The following DCDC2 variants were observed in gnomAD, a reference collection of about 807,000 sequenced individuals.
The protein encoded by DCDC2 is doublecortin domain-containing protein 2.
In DCDC2, 40 loss-of-function variants were observed where a neutral mutation model predicts 50.2. That is an observed-to-expected ratio of 0.80 (90% CI 0.62 to 1.04). The LOEUF (loss-of-function observed/expected upper bound fraction) is 1.04. Ranked by LOEUF, DCDC2 falls within the 50% of genes least tolerant of loss-of-function variation. The probability of loss-of-function intolerance (pLI) is 0.00; values close to 1 mark genes in which losing one functional copy is unlikely to be tolerated. For synonymous variants in DCDC2, 234 were observed against 210.6 expected, an observed-to-expected ratio of 1.11 and a Z score of -0.96; for missense variants, 570 against 581.9, an observed-to-expected ratio of 0.98 and a Z score of 0.21.
intron 5 of DCDC2, 99 bp from the exon 6 acceptor site, chr6:24,289,005 T>C (rs1763679837): frequency 1.2e-6 from 1 of 845,778 alleles, no homozygotes; most frequent in Non-Finnish European, 1.9e-6. Context: ...AACTGTTTAC[T>C]GCTGTGTTTC....
At chr6:24,327,223 C>T (rs1449356808) in intron 2 of DCDC2, among the ~76,000 whole-genome samples, 1 of 149,576 alleles carries the variant, frequency 6.7e-6, no homozygotes, top group Non-Finnish European at 1.5e-5. Flanking sequence ...ACTGAGGCCA[C>T]GGGCCACCCA....
chr6:24,350,755 T>C (rs1007437641), intron 2 of DCDC2, among the ~76,000 whole-genome samples: 1 of 152,186 alleles, frequency 6.6e-6, no homozygotes, highest in Admixed American at 6.5e-5. Flanking sequence ...TGATCTCCCT[T>C]TATATATCAT....
At chr6:24,206,175 C>A (rs187172404) in intron 7 of DCDC2, among the ~76,000 whole-genome samples, 4 of 152,126 alleles carry the variant, frequency 2.6e-5, no homozygotes, top group African/African-American at 9.6e-5. Flanking sequence ...TTGTTGAGGA[C>A]CAATTATATG....
intron 8 of DCDC2, among the ~76,000 whole-genome samples, chr6:24,185,321 C>T (rs1263658121): frequency 6.6e-6 from 1 of 152,160 alleles, no homozygotes; most frequent in Non-Finnish European, 1.5e-5. Context: ...TTTCCCGGCA[C>T]AGCTATTTTA....
At chr6:24,238,045 C>T (rs1762485260) in intron 7 of DCDC2, among the ~76,000 whole-genome samples, 1 of 126,820 alleles carries the variant, frequency 7.9e-6, no homozygotes, top group Admixed American at 9.3e-5. Flanking sequence ...CTGTAATAAA[C>T]CTGCACATGT....
rs2113734073 is a variant in DCDC2 at position 24,173,640 on chromosome 6, T to C, written c.*1090A>G. On this transcript the variant is annotated 3_prime_UTR_variant, in exon 10 of 10. Transcript: ENST00000378454. ...GGTTTCATTATAATAACTTCTAAAG[T>C]TTTACAATTTCTATCAGATGCCTTC... is the stretch of plus-strand genomic sequence containing the variant. 1.3e-5 allele frequency: 2 copies of C among 152,306 alleles called. 1 individual carries two copies. Among genetic ancestry groups the C allele is most frequent in the South Asian group, 4.1e-4 (2 of 4,828 alleles). The allele number at this position is 152,306 out of a possible 1,614,324, so 9.4% of individuals were successfully genotyped here. A position where few individuals can be genotyped will look rare whatever the true frequency, so the allele number is the denominator to read the frequency against.
the DCDC2 span, among the ~76,000 whole-genome samples, chr6:24,382,992 C>T: frequency 5.9e-5 from 9 of 152,024 alleles, no homozygotes; most frequent in Admixed American, 2.0e-4. Flanking sequence ...GGTAAAATGT[C>T]TTAAGTCACC....
At chr6:24,244,802 A>T (rs895688254) in intron 7 of DCDC2, among the ~76,000 whole-genome samples, 1 of 152,320 alleles carries the variant, frequency 6.6e-6, no homozygotes, top group East Asian at 1.9e-4. Flanking sequence ...CTCAATGCAA[A>T]TCTTATGTAG....
chr6:24,306,543 T>C (rs201528594), intron 2 of DCDC2, among the ~76,000 whole-genome samples: 31,534 of 114,034 alleles, frequency 0.28, 4,270 homozygotes, highest in Non-Finnish European at 0.3. Context: ...GATAGATAGA[T>C]AGACAGACAG....
At chr6:24,317,307 G>C (rs1759690082) in intron 2 of DCDC2, among the ~76,000 whole-genome samples, 1 of 152,006 alleles carries the variant, frequency 6.6e-6, no homozygotes, top group African/African-American at 2.4e-5. Context: ...CAGAGGAATA[G>C]ACTAGAAAGC....
At chr6:24,380,042 G>T in the DCDC2 span, among the ~76,000 whole-genome samples, 1 of 151,772 alleles carries the variant, frequency 6.6e-6, no homozygotes, top group East Asian at 1.9e-4. Context: ...GCCTGTTGGG[G>T]GGTGGGGGGC....
intron 9 of DCDC2, among the ~76,000 whole-genome samples, chr6:24,176,399 C>A (rs1201429631): frequency 1.6e-4 from 24 of 152,102 alleles, no homozygotes; most frequent in Non-Finnish European, 1.5e-5. Flanking sequence ...TCATTACATA[C>A]CACAGGTCAA....
intron 2 of DCDC2, among the ~76,000 whole-genome samples, chr6:24,321,972 C>T (rs759979746): frequency 6.6e-6 from 1 of 152,170 alleles, no homozygotes; most frequent in African/African-American, 2.4e-5. Flanking sequence ...GTAGCCTCTA[C>T]TTGGCTATCT....
At chr6:24,352,290 C>G (rs1280506944) in intron 2 of DCDC2, among the ~76,000 whole-genome samples, 1 of 152,134 alleles carries the variant, frequency 6.6e-6, no homozygotes, top group Non-Finnish European at 1.5e-5. Context: ...CAATTTCATG[C>G]AAGGTAGTAT....
chr6:24,369,902 C>T, the DCDC2 span, among the ~76,000 whole-genome samples: 5 of 151,620 alleles, frequency 3.3e-5, no homozygotes, highest in Admixed American at 6.6e-5. Context: ...AATAGCCGGG[C>T]ATGGTGGTGC....
intron 7 of DCDC2, among the ~76,000 whole-genome samples, chr6:24,210,019 G>GGTGTGTGTGTGTGTGTGT (rs71002475): frequency 9.6e-5 from 14 of 145,272 alleles, no homozygotes; most frequent in African/African-American, 2.4e-4. Flanking sequence ...GCAGTATCAG[G>GGTGTGTGTGTGTGTGTGT]GTGTGTGTGT....
At chr6:24,289,099 A>G (rs1442821998) in intron 5 of DCDC2, among the ~76,000 whole-genome samples, 193 bp from the exon 6 acceptor site, 2 of 152,170 alleles carry the variant, frequency 1.3e-5, no homozygotes. Context: ...ATCCCAAAAG[A>G]TTTGTAATGT....
At chr6:24,250,463 T>C (rs570531807) in intron 7 of DCDC2, among the ~76,000 whole-genome samples, 1 of 152,318 alleles carries the variant, frequency 6.6e-6, no homozygotes, top group South Asian at 2.1e-4. Context: ...TTGCAAATGT[T>C]ATACACTTCT....
chr6:24,265,812 A>G (rs2113809567), intron 7 of DCDC2, among the ~76,000 whole-genome samples: 1 of 152,128 alleles, frequency 6.6e-6, no homozygotes, highest in Non-Finnish European at 1.5e-5. Context: ...AAAGTAAAAA[A>G]AAAAAAATTC....
Sources: allele counts gnomAD v4.1 joint callset (sites outside exome capture counted in the v4.1 genomes callset), GRCh38; gene constraint gnomAD v4.1.1; transcripts MANE v1.5; gene names NCBI Gene and HGNC (gene_info 2026-07-23, HGNC 2026-07-21).